NEO1: variants seen among roughly 807,000 people sequenced by gnomAD.
The protein encoded by NEO1 is neogenin.
A neutral mutation model predicts 159.7 loss-of-function variants in NEO1; 63 were observed. The observed-to-expected ratio is 0.39, with a 90% confidence interval of 0.32 to 0.49. The LOEUF (loss-of-function observed/expected upper bound fraction) is 0.49, where lower values mean the gene tolerates loss of function less well. NEO1 is among the 20% of genes least tolerant of loss of function. The pLI is 0.85. For missense variants in NEO1, 1,615 were observed against 1,831.0 expected, an observed-to-expected ratio of 0.88 and a Z score of 2.15; for synonymous variants, 633 against 662.0, an observed-to-expected ratio of 0.96 and a Z score of 0.67.
chr15:73,126,363 T>A (rs1315545720), intron 3 of NEO1, 54 bp from the exon 4 acceptor site: 7 of 1,496,718 alleles, frequency 4.7e-6, no homozygotes, highest in Non-Finnish European at 6.3e-6. Context: ...AGCCACCATG[T>A]CCAGCCTGTT....
At chr15:73,277,877 C>T (rs1298334707) in intron 21 of NEO1, among the ~76,000 whole-genome samples, 1 of 152,200 alleles carries the variant, frequency 6.6e-6, no homozygotes, top group African/African-American at 2.4e-5. Context: ...AGCTTCTAAA[C>T]AGCAGTGACA....
chr15:73,165,589 C>G (rs1166659713), intron 5 of NEO1, among the ~76,000 whole-genome samples: 1 of 152,098 alleles, frequency 6.6e-6, no homozygotes, highest in Non-Finnish European at 1.5e-5. Context: ...GCCAATGCAC[C>G]ACAGTGTAGC....
At chr15:73,178,569 A>C in intron 7 of NEO1, 142 bp downstream of exon 7, 1 of 887,682 alleles carries the variant, frequency 1.1e-6, no homozygotes, top group East Asian at 3.0e-5. Context: ...TAGCAGTCTA[A>C]ATCATTTCTA....
At chr15:73,104,271 T>C (rs2070559451) in intron 1 of NEO1, among the ~76,000 whole-genome samples, 1 of 152,230 alleles carries the variant, frequency 6.6e-6, no homozygotes, top group Admixed American at 6.5e-5. Context: ...TAAGTTCAGC[T>C]ATCTAAAAAT....
In NEO1 at chr15:73,211,676, C is replaced by T. The variant is rs143685816; in HGVS notation, c.1292-24671C>T. 2.4e-3 allele frequency among the ~76,000 whole-genome samples: 366 copies of T among 152,298 alleles called. 4 individuals carry two copies. The highest frequency in any genetic ancestry group is 8.4e-3 in the African/African-American group (348 of 41,570). On this transcript the variant is annotated intron_variant, in intron 7 of 28. Coordinates refer to ENST00000261908, the MANE Select transcript of NEO1 (RefSeq NM_002499.4). ...GTTGCAGTGAGCCGAGATCGCGCCA[C>T]TGCACTCCAGCCTAGCGACAGAGCA... is the stretch of plus-strand genomic sequence containing the variant.
chr15:73,103,079 T>A (rs1190379664), intron 1 of NEO1, among the ~76,000 whole-genome samples: 1 of 150,014 alleles, frequency 6.7e-6, no homozygotes, highest in Non-Finnish European at 1.5e-5. Context: ...ATGTCTGCCA[T>A]TTTTTTTTCT....
intron 7 of NEO1, among the ~76,000 whole-genome samples, chr15:73,199,072 T>A (rs2152045250): frequency 6.7e-6 from 1 of 149,678 alleles, no homozygotes; most frequent in Admixed American, 6.7e-5. Context: ...TGTGTTTCAT[T>A]AGATTCTTCT....
chr15:73,304,799 A>G lies in NEO1; in HGVS notation c.*2103A>G, dbSNP rs1595811906. On this transcript the variant is annotated 3_prime_UTR_variant, in exon 29 of 29. Coordinates refer to ENST00000261908, the MANE Select transcript of NEO1 (RefSeq NM_002499.4). Reference sequence around the variant, plus strand: ...GGCCTTGGTACCTGGATACTGCCACAGAATTGGGGCGGGTGGGGGAGGGGC... The same window carrying G: ...GGCCTTGGTACCTGGATACTGCCACGGAATTGGGGCGGGTGGGGGAGGGGC... 2.0e-5 allele frequency: 3 copies of G among 151,174 alleles called. No individual in the cohort carries two copies. Among genetic ancestry groups the G allele is most frequent in the Admixed American group, 2.0e-4 (3 of 15,198 alleles). The allele number at this position is 151,174 out of a possible 1,614,324, so 9.4% of individuals were successfully genotyped here.
At chr15:73,211,608 G>A (rs1326331300) in intron 7 of NEO1, among the ~76,000 whole-genome samples, 6 of 152,118 alleles carry the variant, frequency 3.9e-5, no homozygotes, top group African/African-American at 1.4e-4. Flanking sequence ...CCAGCTACTC[G>A]GGAGGCTGAG....
intron 16 of NEO1, among the ~76,000 whole-genome samples, chr15:73,267,384 A>T (rs945513043): frequency 2.0e-5 from 3 of 152,144 alleles, no homozygotes; most frequent in Middle Eastern, 3.4e-3. Context: ...AGAGTTATAA[A>T]TTTTTTTTCT....
chr15:73,258,702 AT>A (rs1195360066), intron 13 of NEO1, 63 bp from the exon 14 acceptor site: 50 of 1,348,496 alleles, frequency 3.7e-5, no homozygotes, highest in Non-Finnish European at 5.2e-5. Flanking sequence ...TTAATGAGGG[AT>A]TATTAATCTT....
chr15:73,202,699 GT>G (rs2036970319), intron 7 of NEO1, among the ~76,000 whole-genome samples: 1 of 152,130 alleles, frequency 6.6e-6, no homozygotes, highest in East Asian at 1.9e-4. Context: ...TTGGCATTAA[GT>G]GCATTCATTC....
chr15:73,242,902 T>G (rs902229726), intron 8 of NEO1, among the ~76,000 whole-genome samples: 14 of 151,910 alleles, frequency 9.2e-5, no homozygotes. Context: ...AAATATCCGC[T>G]TATACGTGGA....
At chr15:73,065,356 G>C (rs1169437379) in intron 1 of NEO1, among the ~76,000 whole-genome samples, 2 of 151,564 alleles carry the variant, frequency 1.3e-5, no homozygotes, top group Admixed American at 1.3e-4. Context: ...TTTCTGCCTG[G>C]AGAATATAAT....
Position 73,288,465 on chromosome 15 carries a change from C to A in NEO1, c.3563C>A (p.Thr1188Asn). The A allele has an allele frequency of 6.2e-7, 1 of 1,614,152 alleles. No homozygotes were observed. The highest frequency in any genetic ancestry group is 8.5e-7 in the Non-Finnish European group (1 of 1,180,024). Reference protein sequence around the residue: ...SPDPNPIMTDTPIPRNSQDIT... With the variant: ...SPDPNPIMTDNPIPRNSQDIT... ...GACCCAAACCCCATCATGACTGATA[C>A]TCCAATTCCTCGCAACTCTCAAGAT... The change falls in exon 24 of 29, where the codon ACT becomes AAT. Residue 1188 changes from threonine to asparagine, a missense_variant. Thr to Asn is a moderately conservative substitution (Grantham distance 65). Transcript: ENST00000261908.
chr15:73,270,267 A>C, intron 17 of NEO1, 34 bp downstream of exon 17: 1 of 1,613,728 alleles, frequency 6.2e-7, no homozygotes, highest in Non-Finnish European at 8.5e-7. Flanking sequence ...GAAAAAAGCT[A>C]ATCATTGATA....
intron 1 of NEO1, among the ~76,000 whole-genome samples, chr15:73,109,537 T>C (rs770795061): frequency 4.0e-4 from 61 of 152,054 alleles, no homozygotes; most frequent in Admixed American, 6.6e-4. Flanking sequence ...AGCACTCTTA[T>C]AAATTTTTGT....
chr15:73,284,036 G>A (rs1008965190), intron 23 of NEO1, among the ~76,000 whole-genome samples: 5 of 152,128 alleles, frequency 3.3e-5, no homozygotes, highest in Non-Finnish European at 7.3e-5. Flanking sequence ...GTGGCTAATG[G>A]TCTAAGTGCA....
At chr15:73,233,562 C>G (rs2150838097) in intron 7 of NEO1, among the ~76,000 whole-genome samples, 1 of 152,174 alleles carries the variant, frequency 6.6e-6, no homozygotes, top group Non-Finnish European at 1.5e-5. Context: ...GAAATTGATA[C>G]ATATTTTGTC....
Sources: gnomAD v4.1 joint callset for allele counts (sites outside exome capture counted in the v4.1 genomes callset) on GRCh38, gnomAD v4.1.1 for gene constraint, MANE v1.5 for transcripts, NCBI Gene and HGNC (gene_info 2026-07-23, HGNC 2026-07-21) for gene names.